RASGRP1: variants seen among roughly 807,000 people sequenced by gnomAD.
The protein encoded by RASGRP1 is RAS guanyl releasing protein 1.
In RASGRP1, 37 loss-of-function variants were observed where a neutral mutation model predicts 95.1. That is an observed-to-expected ratio of 0.39 (90% CI 0.30 to 0.51). The LOEUF is 0.51. Among genes scored for constraint, RASGRP1 ranks in the 20% least tolerant of loss-of-function variants. The pLI, the probability that RASGRP1 is intolerant of heterozygous loss-of-function variation, is 0.80. For missense variants in RASGRP1, 711 were observed against 965.4 expected, an observed-to-expected ratio of 0.74 and a Z score of 3.49; for synonymous variants, 325 against 353.4, an observed-to-expected ratio of 0.92 and a Z score of 0.90.
chr15:38,521,292 G>C (rs1210204772), intron 3 of RASGRP1, among the ~76,000 whole-genome samples: 3 of 152,158 alleles, frequency 2.0e-5, no homozygotes, highest in Middle Eastern at 6.8e-3. Context: ...ATTTTAAAGG[G>C]GAAGGCACAA....
At chr15:38,540,257 A>G (rs934043708) in intron 2 of RASGRP1, among the ~76,000 whole-genome samples, 1 of 152,094 alleles carries the variant, frequency 6.6e-6, no homozygotes, top group African/African-American at 2.4e-5. Flanking sequence ...GGAATCCTTC[A>G]AGAGTAAGTA....
At chr15:38,551,126 A>G (rs544180071) in intron 2 of RASGRP1, among the ~76,000 whole-genome samples, 25 of 152,234 alleles carry the variant, frequency 1.6e-4, no homozygotes, top group Admixed American at 3.3e-4. Context: ...TCTTACCACA[A>G]AGTCTATGTA....
intron 2 of RASGRP1, among the ~76,000 whole-genome samples, chr15:38,554,159 C>T (rs1361677036): frequency 1.3e-5 from 2 of 152,234 alleles, no homozygotes; most frequent in East Asian, 1.9e-4. Context: ...GCAGAAAGAA[C>T]GCGAACCTCG....
chr15:38,536,664 C>T (rs916973079), intron 2 of RASGRP1, among the ~76,000 whole-genome samples: 6 of 152,186 alleles, frequency 3.9e-5, no homozygotes, highest in Admixed American at 3.3e-4. Context: ...TAATAGATAA[C>T]CTCATTCCAG....
At position 38,516,074 on chromosome 15, in the gene RASGRP1, C is replaced by T. The variant is rs1891769485; in HGVS notation, c.675+123G>A. ...TTTTTTCAGACTCTATGATGTCTGG[C>T]AGGAAAGCCTGCCACGACTTGAGGG... On this transcript the variant is annotated intron_variant, in intron 6 of 16. Transcript: ENST00000310803. 3 of 1,154,284 alleles carry T rather than the reference C, an allele frequency of 2.6e-6. No homozygotes were observed. The Admixed American group carries it at 7.2e-5, about 28-fold the overall frequency. 71.5% of individuals were successfully genotyped at this position (1,154,284 alleles called of 1,614,324 possible). A position where few individuals can be genotyped will look rare whatever the true frequency, so the allele number is the denominator to read the frequency against.
chr15:38,549,646 C>CCTGCTTCCCTCTTCCCCT lies in RASGRP1; in HGVS notation c.220+10157_220+10174dup, dbSNP rs528157933. Among the ~76,000 whole-genome samples, 100 of 88,708 alleles carry CCTGCTTCCCTCTTCCCCT rather than the reference C, an allele frequency of 1.1e-3. 2 individuals are homozygous for CCTGCTTCCCTCTTCCCCT. In the South Asian group the frequency reaches 0.012, roughly 11 times the overall value. The allele number at this position is 88,708 out of a possible 152,430, so 58.2% of individuals were successfully genotyped here. On this transcript the variant is annotated intron_variant, in intron 2 of 16. Coordinates refer to ENST00000310803, the MANE Select transcript of RASGRP1 (RefSeq NM_005739.4). Reference sequence around the variant, plus strand: ...ATTCTTTGTTACAAAACCGGCAATCCCTGCTTCCCTCTTCCCCTCTGCTTC... The same window carrying CCTGCTTCCCTCTTCCCCT: ...ATTCTTTGTTACAAAACCGGCAATCCCTGCTTCCCTCTTCCCCTCTGCTTCCCTCTTCCCCTCTGCTTC...
rs1281264657 is a variant in RASGRP1 at position 38,526,399 on chromosome 15, C to G, written c.226G>C (p.Asp76His). ...TGGTTACTTCGACACAGGTTTCCAT[C>G]TGCATCTGAAAATATAAAGAGCAGC... ...IDSCIQSFDA[D>H]GNLCRSNQLL... The change falls in exon 3 of 17, where the codon GAT (aspartate) becomes CAT (histidine). Residue 76 changes from aspartate (D) to histidine (H), a missense_variant. Coordinates refer to ENST00000310803, the MANE Select transcript of RASGRP1 (RefSeq NM_005739.4). 8 of 1,612,610 alleles carry G rather than the reference C, an allele frequency of 5.0e-6. No homozygotes were observed. Among genetic ancestry groups the G allele is most frequent in the Non-Finnish European group, 6.8e-6 (8 of 1,179,088 alleles).
intron 2 of RASGRP1, among the ~76,000 whole-genome samples, chr15:38,537,912 C>T (rs1892721342): frequency 6.6e-6 from 1 of 152,172 alleles, no homozygotes; most frequent in Non-Finnish European, 1.5e-5. Context: ...TGAGGAATCT[C>T]TTACTATTCA....
chr15:38,489,326 C>A lies in RASGRP1; in HGVS notation c.*1228G>T, dbSNP rs1394898909. 5 of 151,634 alleles carry A rather than the reference C, an allele frequency of 3.3e-5. No individual in the cohort carries two copies. Among genetic ancestry groups the A allele is most frequent in the Admixed American group, 6.6e-5 (1 of 15,234 alleles). The allele number at this position is 151,634 out of a possible 1,614,324, so 9.4% of individuals were successfully genotyped here. On this transcript the variant is annotated 3_prime_UTR_variant, in exon 17 of 17. Transcript: ENST00000310803. ...TAGGTGCCCAGGCAACTAAATGAGC[C>A]CATTTATTATTAACCTTCATAATAG...
At chr15:38,559,488 C>T (rs557612261) in intron 2 of RASGRP1, among the ~76,000 whole-genome samples, 2 of 152,264 alleles carry the variant, frequency 1.3e-5, no homozygotes, top group East Asian at 3.9e-4. Context: ...TTTATGTGCC[C>T]CAAGAAGGCA....
At chr15:38,553,303 A>G (rs1333913847) in intron 2 of RASGRP1, among the ~76,000 whole-genome samples, 2 of 152,240 alleles carry the variant, frequency 1.3e-5, no homozygotes, top group Non-Finnish European at 2.9e-5. Context: ...CGAACTGTAG[A>G]TGACCTTCTC....
chr15:38,495,863 T>C (rs1300803158), intron 15 of RASGRP1, among the ~76,000 whole-genome samples: 1 of 152,190 alleles, frequency 6.6e-6, no homozygotes, highest in East Asian at 1.9e-4. Flanking sequence ...TACATTCTTT[T>C]TACCAACCTA....
chr15:38,524,392 C>T (rs1328537891), intron 3 of RASGRP1: 1 of 152,218 alleles, frequency 6.6e-6, no homozygotes, highest in African/African-American at 2.4e-5. Flanking sequence ...CATATGTAAG[C>T]AGAGCTCGAA....
At chr15:38,518,162 T>C in intron 5 of RASGRP1, 130 bp downstream of exon 5, 1 of 859,354 alleles carries the variant, frequency 1.2e-6, no homozygotes, top group South Asian at 1.7e-5. Context: ...ACCTGTGTAT[T>C]TGAGGGGCTT....
At position 38,508,178 on chromosome 15, in the gene RASGRP1, T is replaced by A. The variant is rs56204106; in HGVS notation, c.967-177A>T. On this transcript the variant is annotated intron_variant, in intron 8 of 16. Transcript: ENST00000310803. ...GACTCCCCAGTTAAAACCTCAGCTA[T>A]GTCAAATATCACAGAATATATTTAT... Among the ~76,000 whole-genome samples the A allele has an allele frequency of 9.8e-5, 15 of 152,308 alleles. No homozygotes were observed. The East Asian group carries it at 2.7e-3, about 27-fold the overall frequency.
At chr15:38,534,986 T>A (rs966992290) in intron 2 of RASGRP1, among the ~76,000 whole-genome samples, 6 of 152,016 alleles carry the variant, frequency 3.9e-5, no homozygotes, top group African/African-American at 1.4e-4. Context: ...AGCAAGCGAG[T>A]GGCTGAAGAA....
At chr15:38,528,446 G>A (rs11073333) in intron 2 of RASGRP1, among the ~76,000 whole-genome samples, 115,774 of 152,062 alleles carry the variant, frequency 0.76, 44,292 homozygotes, top group African/African-American at 0.79. Context: ...GCCAAATCCA[G>A]CAGTTACTCC....
intron 3 of RASGRP1, among the ~76,000 whole-genome samples, chr15:38,522,816 C>G (rs559659442): frequency 6.6e-6 from 1 of 152,256 alleles, no homozygotes; most frequent in Non-Finnish European, 1.5e-5. Context: ...TGAGGAGGCC[C>G]TTTTGCTGGC....
At chr15:38,539,108 C>T (rs937679296) in intron 2 of RASGRP1, among the ~76,000 whole-genome samples, 8 of 152,084 alleles carry the variant, frequency 5.3e-5, no homozygotes, top group Non-Finnish European at 8.8e-5. Context: ...CCTAAAGTCA[C>T]CCATCTTATG....
Sources: allele counts gnomAD v4.1 joint callset (sites outside exome capture counted in the v4.1 genomes callset), GRCh38; gene constraint gnomAD v4.1.1; transcripts MANE v1.5; gene names NCBI Gene and HGNC (gene_info 2026-07-23, HGNC 2026-07-21).